Variants in UPP2 observed in about 807,000 individuals in gnomAD.
UPP2 encodes UPase 2.
In UPP2, 23 loss-of-function variants were observed where a neutral mutation model predicts 26.7. The ratio of observed to expected loss-of-function variants is 0.86; its 90% CI spans 0.62 to 1.22. UPP2 has a LOEUF of 1.22. Among genes scored for constraint, UPP2 ranks in the 50% most tolerant of loss-of-function variants. UPP2 has a pLI of 0.00. For missense variants in UPP2, 387 were observed against 396.7 expected (o/e 0.98, Z 0.21); for synonymous variants, 127 against 141.3 (o/e 0.90, Z 0.72).
chr2:158,092,288 TCA>T (rs759995911), intron 3 of UPP2, among the ~76,000 whole-genome samples: 11 of 152,104 alleles, frequency 7.2e-5, no homozygotes, highest in Non-Finnish European at 7.4e-5. Flanking sequence ...TCTAAAAAAG[TCA>T]CACCTAAACA....
At chr2:158,058,419 C>CTGTGTGTG (rs70990632) in intron 3 of UPP2, among the ~76,000 whole-genome samples, 17,088 of 136,344 alleles carry the variant, frequency 0.13, 1,477 homozygotes, top group Admixed American at 0.2. Flanking sequence ...TCCCCCCAAC[C>CTGTGTGTG]TGTGTGTGTG....
intron 3 of UPP2, among the ~76,000 whole-genome samples, chr2:158,068,793 TA>T: frequency 2.3e-4 from 4 of 17,126 alleles, no homozygotes; most frequent in African/African-American, 9.4e-4. Context: ...TATATATATA[TA>T]TATATATATT....
chr2:158,028,229 TATA>T (rs1412932246), intron 3 of UPP2, among the ~76,000 whole-genome samples: 1 of 152,248 alleles, frequency 6.6e-6, no homozygotes, highest in African/African-American at 2.4e-5. Context: ...CTGCTTCCCT[TATA>T]AAACTGAATG....
At chr2:158,056,682 A>G (rs1011211035) in intron 3 of UPP2, among the ~76,000 whole-genome samples, 1 of 152,136 alleles carries the variant, frequency 6.6e-6, no homozygotes, top group African/African-American at 2.4e-5. Flanking sequence ...GGCCTTCTCC[A>G]TGTATCTTCA....
rs1055258173 is a variant in UPP2, at chr2:158,020,432, T to G, written c.147+4546T>G. On this transcript the variant is annotated intron_variant, in intron 3 of 9. Coordinates refer to the UPP2 transcript ENST00000605860. ...TGATGATGATCAGCTCCATTTCCCC[T>G]CAAGTCCAGAGACTGGACGGCAGGG... Among the ~76,000 whole-genome samples the G allele has an allele frequency of 2.6e-5, 4 of 152,186 alleles. No homozygotes were observed. The South Asian group carries it at 8.3e-4, about 31-fold the overall frequency.
chr2:158,100,319 T>C (rs188461974), upstream of UPP2, among the ~76,000 whole-genome samples: 37 of 152,316 alleles, frequency 2.4e-4, no homozygotes, highest in African/African-American at 7.2e-4. Flanking sequence ...AGATCACTGG[T>C]TGACTGAATC....
chr2:158,103,808 G>T (rs1272760936), intron 1 of UPP2, among the ~76,000 whole-genome samples: 1 of 152,176 alleles, frequency 6.6e-6, no homozygotes, highest in Non-Finnish European at 1.5e-5. Context: ...TGTTCCTGAT[G>T]CTGCTGGTTC....
chr2:158,106,185 A>G lies in UPP2; in HGVS notation c.149A>G (p.His50Arg), dbSNP rs754704468. ...LYHLDLGTKT[H>R]NLPAMFGDVK... ...CACTTGGATTTGGGAACAAAAACAC[A>G]CAACCTACCAGCAATGTTTGGAGAT... Residue 50 changes from histidine (H) to arginine (R), a missense_variant, in exon 2 of 7, where the codon CAC becomes CGC. Coordinates refer to ENST00000005756, the MANE Select transcript of UPP2 (RefSeq NM_173355.4). 1.9e-6 allele frequency: 3 copies of G among 1,612,728 alleles called. No individual in the cohort carries two copies. The highest frequency in any genetic ancestry group is 2.5e-6 in the Non-Finnish European group (3 of 1,179,540).
intron 6 of UPP2, among the ~76,000 whole-genome samples, chr2:158,125,003 A>G (rs571815872): frequency 6.6e-6 from 1 of 152,256 alleles, no homozygotes; most frequent in African/African-American, 2.4e-5. Flanking sequence ...ATAACAAACA[A>G]TGAGTCTAGG....
rs189451137 is a variant in UPP2, at chr2:158,081,532, C to G, written c.148-20508C>G. On this transcript the variant is annotated intron_variant, in intron 3 of 9. Transcript: ENST00000605860. ...AGCTGCACTCCCATGTTTATTGCAG[C>G]ACTGTTCATAATAGCCAAGATTTGG... is the stretch of plus-strand genomic sequence containing the variant. 1.3e-3 allele frequency among the ~76,000 whole-genome samples: 201 copies of G among 152,222 alleles called. 1 individual carries two copies. Among genetic ancestry groups the G allele is most frequent in the African/African-American group, 4.7e-3 (197 of 41,522 alleles).
In UPP2 at chr2:158,086,302, A is replaced by T. The variant is rs558816159; in HGVS notation, c.148-15738A>T. ...ATAAAAGTGTTCATAGTAGCCTTGA[A>T]TAATCTTTTGTATTTCTGTGGTATT... is the stretch of plus-strand genomic sequence containing the variant. On this transcript the variant is annotated intron_variant, in intron 3 of 9. Coordinates refer to the UPP2 transcript ENST00000605860. 3.9e-5 allele frequency among the ~76,000 whole-genome samples: 6 copies of T among 152,194 alleles called. No individual in the cohort carries two copies. The East Asian group carries it at 9.6e-4, about 24-fold the overall frequency.
At chr2:158,064,058 G>A (rs765047506) in intron 3 of UPP2, among the ~76,000 whole-genome samples, 6 of 152,154 alleles carry the variant, frequency 3.9e-5, no homozygotes, top group South Asian at 2.1e-4. Context: ...GTAAACATAC[G>A]TGTGCATGTG....
chr2:158,088,399 A>T (rs1682851107), intron 3 of UPP2, among the ~76,000 whole-genome samples: 1 of 151,990 alleles, frequency 6.6e-6, no homozygotes, highest in Non-Finnish European at 1.5e-5. Context: ...ATCATTTTTT[A>T]AATTTTATTA....
At chr2:158,087,627 C>A (rs1682837909) in intron 3 of UPP2, among the ~76,000 whole-genome samples, 1 of 151,890 alleles carries the variant, frequency 6.6e-6, no homozygotes, top group South Asian at 2.1e-4. Context: ...TATTTTGGTG[C>A]TTTTTGAGTA....
chr2:158,083,766 C>T (rs1325644663), intron 3 of UPP2, among the ~76,000 whole-genome samples: 4 of 149,366 alleles, frequency 2.7e-5, no homozygotes, highest in Admixed American at 1.3e-4. Context: ...TTATTTCATC[C>T]TTTTTATGGC....
intron 5 of UPP2, among the ~76,000 whole-genome samples, chr2:158,122,579 T>A (rs1427705387): frequency 1.3e-5 from 2 of 151,998 alleles, no homozygotes; most frequent in East Asian, 3.9e-4. Context: ...GGAAGCTTGT[T>A]AAAGTCAATG....
chr2:158,132,972 C>T (rs1471439391), intron 6 of UPP2, among the ~76,000 whole-genome samples: 4 of 152,094 alleles, frequency 2.6e-5, no homozygotes, highest in African/African-American at 9.7e-5. Context: ...GGTGGTTCTT[C>T]AAAAAACTAA....
In UPP2 at chr2:158,135,032, T is replaced by A; in HGVS notation, c.*142T>A. 1 of 1,005,880 alleles carries A rather than the reference T, an allele frequency of 9.9e-7. No individual in the cohort carries two copies. The highest frequency in any genetic ancestry group is 1.3e-6 in the Non-Finnish European group (1 of 746,980). The allele number at this position is 1,005,880 out of a possible 1,614,324, so 62.3% of individuals were successfully genotyped here. A position where few individuals can be genotyped will look rare whatever the true frequency, so the allele number is the denominator to read the frequency against. ...AAGACTTTATGAAATCCTTCTCTCT[T>A]AAAAAGGAATTTATTGTAAAAGAAT... On this transcript the variant is annotated 3_prime_UTR_variant, in exon 7 of 7. Transcript: ENST00000005756.
At chr2:158,005,067 T>C (rs1683468536) in intron 2 of UPP2, among the ~76,000 whole-genome samples, 1 of 152,212 alleles carries the variant, frequency 6.6e-6, no homozygotes, top group African/African-American at 2.4e-5. Flanking sequence ...CTAGTCATGT[T>C]TCCTTTACTG....
Sources: gnomAD v4.1 joint callset for allele counts (sites outside exome capture counted in the v4.1 genomes callset) on GRCh38, gnomAD v4.1.1 for gene constraint, MANE v1.5 for transcripts, NCBI Gene and HGNC (gene_info 2026-07-23, HGNC 2026-07-21) for gene names.